The following PARPBP variants were observed in gnomAD, a reference collection of about 807,000 sequenced individuals.
The protein encoded by PARPBP is PARP1 binding protein.
Under a neutral mutation model 50.0 loss-of-function variants are expected in PARPBP, and 52 were observed. The observed-to-expected ratio is 1.04, with a 90% CI of 0.83 to 1.31. PARPBP has a LOEUF of 1.31. Ranked by LOEUF, PARPBP falls within the 50% of genes most tolerant of loss-of-function variation. The probability of loss-of-function intolerance (pLI) is 0.00; values close to 1 mark genes in which losing one functional copy is unlikely to be tolerated. For synonymous variants in PARPBP, 244 were observed against 232.1 expected, an observed-to-expected ratio of 1.05 and a Z score of -0.47; for missense variants, 697 against 672.0, an observed-to-expected ratio of 1.04 and a Z score of -0.41.
At chr12:102,192,249 T>C (rs966742459) in intron 9 of PARPBP, among the ~76,000 whole-genome samples, 3 of 152,134 alleles carry the variant, frequency 2.0e-5, no homozygotes, top group Non-Finnish European at 4.4e-5. Context: ...ATAATAATGA[T>C]ATAGTGTCTA....
rs1377740996 is a variant in PARPBP, at chr12:102,153,958, C to T, written c.477C>T (p.Tyr159=). The T allele has an allele frequency of 6.3e-7, 1 of 1,580,666 alleles. No individual in the cohort carries two copies. The highest frequency in any genetic ancestry group is 8.7e-7 in the Non-Finnish European group (1 of 1,149,986). The change falls in exon 4 of 11, where the codon TAC becomes TAT. Residue 159 remains tyrosine, a synonymous_variant. Coordinates refer to ENST00000327680, the MANE Select transcript of PARPBP (RefSeq NM_017915.5). ...LSIPTSPTSK[Y]NRDNEKVQLL... is the part of the protein sequence containing the mutation. ...TACCAACATCACCAACAAGTAAATA[C>T]AACCGTGATAATGAAAAGGTACTGA...
intron 1 of PARPBP, among the ~76,000 whole-genome samples, chr12:102,121,358 A>G (rs1317604564): frequency 6.6e-6 from 1 of 152,194 alleles, no homozygotes; most frequent in African/African-American, 2.4e-5. Flanking sequence ...TTCAGTGTCC[A>G]TAAAAAAAGT....
intron 2 of PARPBP, 59 bp from the exon 3 acceptor site, chr12:102,148,171 T>C (rs1019163041): frequency 1.5e-6 from 1 of 673,350 alleles, no homozygotes; most frequent in Non-Finnish European, 2.4e-6. Context: ...CAGTTATAAG[T>C]TATTGAATAT....
intron 8 of PARPBP, among the ~76,000 whole-genome samples, chr12:102,180,862 A>C (rs1286016777): frequency 1.3e-5 from 2 of 152,240 alleles, no homozygotes; most frequent in Non-Finnish European, 2.9e-5. Context: ...CTGAAATGAT[A>C]AAATTAAGGA....
intron 8 of PARPBP, among the ~76,000 whole-genome samples, chr12:102,179,670 C>T (rs1889641813): frequency 6.6e-6 from 1 of 152,100 alleles, no homozygotes; most frequent in African/African-American, 2.4e-5. Context: ...TAATTACCTC[C>T]TAAAAGGCCC....
At chr12:102,152,630 GATAAAA>G (rs1333307888) in intron 3 of PARPBP, among the ~76,000 whole-genome samples, 1 of 152,086 alleles carries the variant, frequency 6.6e-6, no homozygotes, top group African/African-American at 2.4e-5. Context: ...AAAATTATCA[GATAAAA>G]ATAAGAGAAG....
At chr12:102,139,524 C>A (rs903840404) in intron 2 of PARPBP, among the ~76,000 whole-genome samples, 74 of 152,272 alleles carry the variant, frequency 4.9e-4, no homozygotes, top group Non-Finnish European at 8.5e-4. Flanking sequence ...ACTATGTTGA[C>A]TAGGAGTGGT....
intron 4 of PARPBP, among the ~76,000 whole-genome samples, chr12:102,162,133 T>C (rs1887667460): frequency 6.6e-6 from 1 of 152,244 alleles, no homozygotes; most frequent in African/African-American, 2.4e-5. Context: ...AAGGTGTATA[T>C]GCTTAACAAC....
intron 3 of PARPBP, chr12:102,150,343 C>T (rs1340959113): frequency 2.3e-6 from 1 of 440,338 alleles, no homozygotes; most frequent in South Asian, 1.6e-5. Context: ...TAAGTATAAT[C>T]CCAATTTTTG....
At chr12:102,141,917 C>T (rs943664171) in intron 2 of PARPBP, among the ~76,000 whole-genome samples, 2 of 152,146 alleles carry the variant, frequency 1.3e-5, no homozygotes, top group Non-Finnish European at 2.9e-5. Context: ...CTGCCCTTAA[C>T]ATTTTTTCCT....
intron 3 of PARPBP, chr12:102,150,274 A>G (rs1474551509): frequency 2.2e-6 from 1 of 455,400 alleles, no homozygotes; most frequent in East Asian, 7.0e-5. Context: ...GGAAATTTCC[A>G]GTGCGGGGAA....
chr12:102,172,472 A>G (rs1489108126), intron 6 of PARPBP, among the ~76,000 whole-genome samples: 1 of 152,216 alleles, frequency 6.6e-6, no homozygotes, highest in Admixed American at 6.5e-5. Context: ...TAGAAGCAAG[A>G]ATTTGAATTA....
At position 102,165,829 on chromosome 12, in the gene PARPBP, T is replaced by C; in HGVS notation, c.767T>C (p.Phe256Ser). Residue 256 changes from phenylalanine to serine, a missense_variant, in exon 6 of 11, where the codon TTT (phenylalanine) becomes TCT (serine). Phe to Ser is a radical substitution (Grantham distance 155). Coordinates refer to ENST00000327680, the MANE Select transcript of PARPBP (RefSeq NM_017915.5). ...LRTHVKGLSN[F>S]INFIDKLDEI... ...ACACATGTAAAGGGATTGTCTAATT[T>C]TATTAATTTCATTGACAAATTAGAT... 4 of 1,589,180 alleles carry C rather than the reference T, an allele frequency of 2.5e-6. No homozygotes were observed. The highest frequency in any genetic ancestry group is 3.5e-6 in the Non-Finnish European group (4 of 1,158,126).
chr12:102,156,854 C>G (rs1434958923), intron 4 of PARPBP, among the ~76,000 whole-genome samples: 1 of 152,082 alleles, frequency 6.6e-6, no homozygotes, highest in African/African-American at 2.4e-5. Flanking sequence ...GATGGTCAGG[C>G]TGGCTTCGAA....
At chr12:102,160,808 C>T (rs959321278) in intron 4 of PARPBP, among the ~76,000 whole-genome samples, 1 of 151,886 alleles carries the variant, frequency 6.6e-6, no homozygotes, top group Non-Finnish European at 1.5e-5. Flanking sequence ...ATTAGCCAGG[C>T]GTGGCGGCAC....
At chr12:102,176,249 T>A (rs1164491104) in intron 7 of PARPBP, among the ~76,000 whole-genome samples, 3 of 152,202 alleles carry the variant, frequency 2.0e-5, no homozygotes, top group Non-Finnish European at 4.4e-5. Context: ...CCCAAAGTGC[T>A]GGGATTACAG....
At chr12:102,189,674 G>C (rs1353766985) in intron 9 of PARPBP, among the ~76,000 whole-genome samples, 2 of 152,080 alleles carry the variant, frequency 1.3e-5, no homozygotes, top group African/African-American at 4.8e-5. Context: ...GATGATGAAA[G>C]TATTAAATTG....
At chr12:102,146,376 T>C (rs1179494230) in intron 2 of PARPBP, among the ~76,000 whole-genome samples, 3 of 151,798 alleles carry the variant, frequency 2.0e-5, no homozygotes, top group Non-Finnish European at 2.9e-5. Flanking sequence ...GAGATATAGA[T>C]CAATGGAACA....
intron 3 of PARPBP, among the ~76,000 whole-genome samples, chr12:102,149,952 A>G (rs533018019): frequency 2.7e-4 from 41 of 152,348 alleles, no homozygotes; most frequent in Non-Finnish European, 3.5e-4. Flanking sequence ...GGATTGTAGG[A>G]CAACAAAGAT....
Sources: gnomAD v4.1 joint callset for allele counts (sites outside exome capture counted in the v4.1 genomes callset) on GRCh38, gnomAD v4.1.1 for gene constraint, MANE v1.5 for transcripts, NCBI Gene and HGNC (gene_info 2026-07-23, HGNC 2026-07-21) for gene names.